The following NELL2 variants were observed in gnomAD, a reference collection of about 807,000 sequenced individuals.
The protein encoded by NELL2 is neural EGFL like 2.
Under a neutral mutation model 109.6 loss-of-function variants are expected in NELL2, and 41 were observed. That is an observed-to-expected ratio of 0.37 (90% CI 0.29 to 0.49). The LOEUF (loss-of-function observed/expected upper bound fraction) is 0.49, where lower values mean the gene tolerates loss of function less well. Ranked by LOEUF, NELL2 falls within the 20% of genes least tolerant of loss-of-function variation. The pLI, the probability that NELL2 is intolerant of heterozygous loss-of-function variation, is 0.98. For synonymous variants in NELL2, 355 were observed against 344.7 expected (o/e 1.03, Z -0.33); for missense variants, 900 against 1,008.3 (o/e 0.89, Z 1.45).
chr12:44,808,888 C>A (rs935337094), intron 3 of NELL2, among the ~76,000 whole-genome samples: 1 of 151,942 alleles, frequency 6.6e-6, no homozygotes, highest in Non-Finnish European at 1.5e-5. Context: ...ATTTATTTCA[C>A]CTGAAGTTTA....
intron 2 of NELL2, among the ~76,000 whole-genome samples, chr12:44,847,904 T>A (rs1944419440): frequency 1.3e-5 from 2 of 151,772 alleles, no homozygotes; most frequent in Admixed American, 1.3e-4. Context: ...TGGTGTTGCA[T>A]GCCTGTCATC....
chr12:44,739,825 G>C (rs1039499954), intron 9 of NELL2, among the ~76,000 whole-genome samples: 2 of 152,146 alleles, frequency 1.3e-5, no homozygotes, highest in Non-Finnish European at 2.9e-5. Flanking sequence ...GGGAAGTGGA[G>C]GCTGCAGTGA....
chr12:44,739,087 T>C (rs1025778236), intron 9 of NELL2, among the ~76,000 whole-genome samples: 5 of 152,310 alleles, frequency 3.3e-5, no homozygotes, highest in Admixed American at 2.0e-4. Flanking sequence ...ATCCTTCTGA[T>C]CTTAAATGTT....
chr12:44,813,998 A>G (rs542683221), intron 3 of NELL2, among the ~76,000 whole-genome samples: 15 of 152,336 alleles, frequency 9.8e-5, no homozygotes, highest in Non-Finnish European at 1.5e-5. Flanking sequence ...TATTAGGTGG[A>G]AAAAGTTTGC....
chr12:44,731,159 TC>T (rs1281155370), intron 9 of NELL2, among the ~76,000 whole-genome samples: 1 of 152,098 alleles, frequency 6.6e-6, no homozygotes, highest in Non-Finnish European at 1.5e-5. Context: ...AGCAGAGAAT[TC>T]TACCAAACAT....
intron 9 of NELL2, among the ~76,000 whole-genome samples, chr12:44,742,319 T>C (rs1429718680): frequency 2.0e-5 from 3 of 151,864 alleles, no homozygotes; most frequent in Admixed American, 6.6e-5. Flanking sequence ...TACATCACCA[T>C]CATCAAAGAC....
At chr12:44,571,748 T>A (rs1943878803) in intron 15 of NELL2, among the ~76,000 whole-genome samples, 1 of 152,246 alleles carries the variant, frequency 6.6e-6, no homozygotes, top group South Asian at 2.1e-4. Context: ...GACATAGATA[T>A]TTTTTCTTGG....
chr12:44,825,844 G>T (rs139775936), intron 2 of NELL2, among the ~76,000 whole-genome samples: 3 of 151,426 alleles, frequency 2.0e-5, no homozygotes, highest in Non-Finnish European at 4.4e-5. Flanking sequence ...TCAGGATTTC[G>T]AGACCAGCCT....
intron 2 of NELL2, among the ~76,000 whole-genome samples, chr12:44,873,881 CT>C (rs62814762): frequency 0.076 from 11,633 of 152,112 alleles, 775 homozygotes; most frequent in East Asian, 0.23. Context: ...GCCCCACCCT[CT>C]TATAAAAGAC....
At chr12:44,516,877 T>G (rs1458433376) in intron 19 of NELL2, among the ~76,000 whole-genome samples, 1 of 150,806 alleles carries the variant, frequency 6.6e-6, no homozygotes, top group Admixed American at 6.6e-5. Flanking sequence ...CTGCTGAAGC[T>G]GTTTTTCTAG....
chr12:44,765,001 ACC>A (rs1326941723), intron 9 of NELL2, among the ~76,000 whole-genome samples: 1 of 152,134 alleles, frequency 6.6e-6, no homozygotes, highest in Non-Finnish European at 1.5e-5. Context: ...TACAGGTCCC[ACC>A]CTGAAACACT....
intron 1 of NELL2, among the ~76,000 whole-genome samples, chr12:44,904,062 T>A (rs4768580): frequency 0.15 from 22,031 of 151,794 alleles, 1,796 homozygotes; most frequent in East Asian, 0.22. Flanking sequence ...AATTAAATTT[T>A]AAAAAAACTT....
At chr12:44,846,203 T>A (rs1311045566) in intron 2 of NELL2, among the ~76,000 whole-genome samples, 2 of 152,192 alleles carry the variant, frequency 1.3e-5, no homozygotes, top group African/African-American at 4.8e-5. Context: ...GCATCTGTGG[T>A]TCATTACGCA....
intron 13 of NELL2, among the ~76,000 whole-genome samples, chr12:44,641,160 A>G (rs1435859029): frequency 6.6e-6 from 1 of 152,176 alleles, no homozygotes; most frequent in Non-Finnish European, 1.5e-5. Flanking sequence ...TTTTACATTA[A>G]AAATAAATTA....
chr12:44,863,087 T>C (rs2710462), intron 2 of NELL2, among the ~76,000 whole-genome samples: 127,332 of 151,288 alleles, frequency 0.84, 53,781 homozygotes, highest in Middle Eastern at 0.95. Flanking sequence ...ATGCTATTCG[T>C]TCCCCTAGCC....
intron 1 of NELL2, among the ~76,000 whole-genome samples, chr12:44,919,149 C>G (rs991418991): frequency 1.3e-5 from 2 of 152,110 alleles, no homozygotes; most frequent in African/African-American, 4.8e-5. Context: ...TAGCCACAAA[C>G]ATCCTAAATG....
intron 15 of NELL2, among the ~76,000 whole-genome samples, chr12:44,576,131 G>A (rs4768559): frequency 6.6e-6 from 1 of 152,090 alleles, no homozygotes; most frequent in Non-Finnish European, 1.5e-5. Flanking sequence ...CAAATCTTCC[G>A]CTTCCTTTAG....
intron 12 of NELL2, among the ~76,000 whole-genome samples, chr12:44,691,489 A>T (rs1161814257): frequency 2.0e-5 from 3 of 152,136 alleles, no homozygotes; most frequent in African/African-American, 7.2e-5. Flanking sequence ...GGATACAACG[A>T]TATTGAAATT....
At chr12:44,627,430 A>G (rs78400922) in intron 13 of NELL2, among the ~76,000 whole-genome samples, 1 of 90,198 alleles carries the variant, frequency 1.1e-5, no homozygotes, top group South Asian at 3.0e-4. Context: ...CAGATGTACC[A>G]AAAAAAAAAA....
Sources: allele counts gnomAD v4.1 joint callset (sites outside exome capture counted in the v4.1 genomes callset), GRCh38; gene constraint gnomAD v4.1.1; transcripts MANE v1.5; gene names NCBI Gene and HGNC (gene_info 2026-07-23, HGNC 2026-07-21).